GABBR2: variants seen among roughly 807,000 people sequenced by gnomAD.
GABBR2 encodes gamma-aminobutyric acid type B receptor subunit 2.
GABBR2 carries 23 observed loss-of-function variants against 105.6 expected under a neutral mutation model. The ratio of observed to expected loss-of-function variants is 0.22; its 90% CI spans 0.16 to 0.31. The LOEUF is 0.31. Among genes scored for constraint, GABBR2 ranks in the 10% least tolerant of loss-of-function variants. The pLI is 1.00. For synonymous variants in GABBR2, 478 were observed against 499.7 expected (o/e 0.96, Z 0.58); for missense variants, 734 against 1,245.5 (o/e 0.59, Z 6.18).
At chr9:98,686,521 G>C (rs1460304110) in intron 1 of GABBR2, among the ~76,000 whole-genome samples, 1 of 151,992 alleles carries the variant, frequency 6.6e-6, no homozygotes, top group African/African-American at 2.4e-5. Flanking sequence ...TCAGCCTCTC[G>C]AGTAGCTGGG....
intron 2 of GABBR2, among the ~76,000 whole-genome samples, chr9:98,549,330 CCT>C (rs1828445437): frequency 1.7e-5 from 1 of 57,630 alleles, no homozygotes; most frequent in African/African-American, 4.0e-5. Flanking sequence ...AGCCAAATAC[CCT>C]TTTTTTTCAT....
At chr9:98,355,895 A>C (rs594920) in intron 13 of GABBR2, among the ~76,000 whole-genome samples, 3,465 of 152,366 alleles carry the variant, frequency 0.023, 63 homozygotes, top group Non-Finnish European at 0.033. Context: ...GGGAGCTCAG[A>C]AATACACCCA....
At chr9:98,615,885 A>G (rs956733636) in intron 1 of GABBR2, among the ~76,000 whole-genome samples, 1 of 152,238 alleles carries the variant, frequency 6.6e-6, no homozygotes, top group Non-Finnish European at 1.5e-5. Flanking sequence ...TCTCAATCCC[A>G]GTTCTGTCAT....
chr9:98,412,831 T>G (rs1020514140), intron 7 of GABBR2, among the ~76,000 whole-genome samples: 9 of 152,208 alleles, frequency 5.9e-5, no homozygotes, highest in African/African-American at 1.9e-4. Context: ...AAGGAAGGAA[T>G]GAGTGCTCAG....
chr9:98,324,493 G>GACACACACACACAC (rs3983548), intron 13 of GABBR2, among the ~76,000 whole-genome samples: 7 of 143,276 alleles, frequency 4.9e-5, no homozygotes, highest in East Asian at 2.0e-4. Flanking sequence ...CTACAGAGCC[G>GACACACACACACAC]ACACACACAC....
At chr9:98,486,513 G>A (rs1052342570) in intron 4 of GABBR2, among the ~76,000 whole-genome samples, 2 of 152,112 alleles carry the variant, frequency 1.3e-5, no homozygotes, top group African/African-American at 2.4e-5. Flanking sequence ...GGTCAAGCTC[G>A]ACCCTGAGCC....
intron 1 of GABBR2, among the ~76,000 whole-genome samples, chr9:98,581,465 G>T (rs1829002470): frequency 7.6e-6 from 1 of 131,846 alleles, no homozygotes; most frequent in Non-Finnish European, 1.6e-5. Flanking sequence ...CCCCAAGAAA[G>T]AAAGAGAGAA....
chr9:98,493,257 A>C (rs1827214621), intron 4 of GABBR2, among the ~76,000 whole-genome samples: 1 of 152,184 alleles, frequency 6.6e-6, no homozygotes, highest in African/African-American at 2.4e-5. Context: ...CTGGTATTAC[A>C]AAATACTCCA....
intron 13 of GABBR2, among the ~76,000 whole-genome samples, chr9:98,321,510 C>A (rs1212190566): frequency 6.6e-6 from 1 of 152,182 alleles, no homozygotes; most frequent in Non-Finnish European, 1.5e-5. Context: ...AGTGGCTGAA[C>A]CACCTCTGTC....
chr9:98,628,118 C>T (rs191779750), intron 1 of GABBR2, among the ~76,000 whole-genome samples: 2 of 152,330 alleles, frequency 1.3e-5, no homozygotes, highest in East Asian at 3.9e-4. Context: ...AGTTACATGA[C>T]ATAAGATACA....
intron 13 of GABBR2, among the ~76,000 whole-genome samples, chr9:98,358,397 G>A (rs1257940554): frequency 6.6e-6 from 1 of 152,218 alleles, no homozygotes; most frequent in Non-Finnish European, 1.5e-5. Context: ...TCTAAATGCA[G>A]CGGCCTCTGC....
At chr9:98,323,792 T>C (rs966122747) in intron 13 of GABBR2, among the ~76,000 whole-genome samples, 1 of 152,176 alleles carries the variant, frequency 6.6e-6, no homozygotes, top group African/African-American at 2.4e-5. Context: ...CACAACCTGG[T>C]TGGCTGTTCA....
chr9:98,541,335 C>T (rs954451306), intron 3 of GABBR2, among the ~76,000 whole-genome samples: 1 of 148,490 alleles, frequency 6.7e-6, no homozygotes, highest in Non-Finnish European at 1.5e-5. Context: ...AACACTTTTA[C>T]ATTTTTTACT....
At chr9:98,541,113 C>T (rs1173918081) in intron 3 of GABBR2, among the ~76,000 whole-genome samples, 4 of 152,182 alleles carry the variant, frequency 2.6e-5, no homozygotes, top group Non-Finnish European at 5.9e-5. Context: ...TTACGATATA[C>T]CCATCTGACA....
intron 11 of GABBR2, among the ~76,000 whole-genome samples, chr9:98,383,149 C>T (rs572489351): frequency 4.3e-4 from 66 of 152,288 alleles, no homozygotes; most frequent in Non-Finnish European, 7.9e-4. Context: ...CCATGTTGGT[C>T]AGGCTGGTCT....
At chr9:98,301,379 C>A (rs534944299) in intron 16 of GABBR2, among the ~76,000 whole-genome samples, 1 of 152,242 alleles carries the variant, frequency 6.6e-6, no homozygotes, top group Non-Finnish European at 1.5e-5. Context: ...CATTTGGTCA[C>A]AGAAGTCTTC....
chr9:98,481,325 C>A (rs768134753), intron 4 of GABBR2, among the ~76,000 whole-genome samples: 3 of 152,234 alleles, frequency 2.0e-5, no homozygotes, highest in Non-Finnish European at 4.4e-5. Context: ...CCAGGGCAGG[C>A]AAATCCTGCA....
intron 2 of GABBR2, among the ~76,000 whole-genome samples, chr9:98,572,666 T>A (rs1226821979): frequency 1.3e-5 from 2 of 152,096 alleles, no homozygotes; most frequent in African/African-American, 2.4e-5. Context: ...GGGTCTAGGT[T>A]TCCTGAGAGT....
chr9:98,578,102 C>T (rs773862193), intron 1 of GABBR2, 30 bp from the exon 2 acceptor site: 2 of 1,611,654 alleles, frequency 1.2e-6, no homozygotes, highest in East Asian at 2.2e-5. Flanking sequence ...AAGAAAGGTC[C>T]AAATTAGAAA....
Sources: gnomAD v4.1 joint callset for allele counts (sites outside exome capture counted in the v4.1 genomes callset) on GRCh38, gnomAD v4.1.1 for gene constraint, MANE v1.5 for transcripts, NCBI Gene and HGNC (gene_info 2026-07-23, HGNC 2026-07-21) for gene names.